Variants in KIT observed in about 807,000 individuals in gnomAD.
KIT encodes mast/stem cell growth factor receptor Kit.
Under a neutral mutation model 105.7 loss-of-function variants are expected in KIT, and 16 were observed. The observed-to-expected ratio is 0.15, with a 90% CI of 0.10 to 0.23. KIT has a LOEUF of 0.23. Among genes scored for constraint, KIT ranks in the 10% least tolerant of loss-of-function variants. KIT has a pLI of 1.00. For synonymous variants in KIT, 438 were observed against 441.1 expected (o/e 0.99, Z 0.09); for missense variants, 858 against 1,213.8 (o/e 0.71, Z 4.36).
intron 17 of KIT, 62 bp downstream of exon 17, chr4:54,733,254 A>C (rs1472941034): frequency 1.3e-6 from 2 of 1,570,646 alleles, no homozygotes; most frequent in East Asian, 4.5e-5. Context: ...CTTTCGATAA[A>C]AATTGTTTCC....
intron 5 of KIT, among the ~76,000 whole-genome samples, chr4:54,704,943 A>G (rs1280641349): frequency 6.6e-6 from 1 of 152,176 alleles, no homozygotes; most frequent in Non-Finnish European, 1.5e-5. Context: ...TGCCCATGTT[A>G]TAATGGAAAG....
In KIT at chr4:54,707,322, T is replaced by C. The variant is rs551915482; in HGVS notation, c.1115+35T>C. On this transcript the variant is annotated intron_variant, in intron 6 of 20. Coordinates refer to ENST00000288135, the MANE Select transcript of KIT (RefSeq NM_000222.3). ...GGACCTTGCCCTGGGGGATTACACA[T>C]TACCCCCTTTTCCAGTGGGCTTATC... 3.6e-6 allele frequency: 5 copies of C among 1,387,248 alleles called. No individual in the cohort carries two copies. The South Asian group carries it at 4.6e-5, about 13-fold the overall frequency. The allele number at this position is 1,387,248 out of a possible 1,614,324, so 85.9% of individuals were successfully genotyped here. A position where few individuals can be genotyped will look rare whatever the true frequency, so the allele number is the denominator to read the frequency against.
chr4:54,709,725 T>A, intron 7 of KIT, 186 bp downstream of exon 7: 1 of 666,848 alleles, frequency 1.5e-6, no homozygotes, highest in Non-Finnish European at 2.7e-6. Flanking sequence ...TGTCCTACAT[T>A]TCACTGATCA....
chr4:54,709,376 C>G, intron 6 of KIT, 48 bp from the exon 7 acceptor site: 2 of 1,174,946 alleles, frequency 1.7e-6, no homozygotes, highest in Non-Finnish European at 1.3e-6. Context: ...ACATGCCTTC[C>G]AAGGCATGCT....
At chr4:54,682,021 AAG>A (rs1442339086) in intron 1 of KIT, among the ~76,000 whole-genome samples, 4 of 152,122 alleles carry the variant, frequency 2.6e-5, no homozygotes, top group Admixed American at 1.3e-4. Context: ...TTTATATTAT[AAG>A]AGAATCACTG....
rs760112920 is a variant in KIT, at chr4:54,731,930, G to T, written c.2293G>T (p.Asp765Tyr). Residue 765 changes from aspartate (D) to tyrosine (Y), a missense_variant, in exon 16 of 21, where the codon GAC becomes TAC. By Grantham distance (160) the Asp-to-Tyr change is radical. Coordinates refer to ENST00000288135, the MANE Select transcript of KIT (RefSeq NM_000222.3). Reference protein sequence around the residue: ...AIMEDDELALDLEDLLSFSYQ... With the variant: ...AIMEDDELALYLEDLLSFSYQ... ...CATGGAGGATGACGAGTTGGCCCTA[G>T]ACTTAGAAGACTTGCTGAGCTTTTC... The T allele has an allele frequency of 6.2e-6, 10 of 1,613,536 alleles. No individual in the cohort carries two copies. The Admixed American group carries it at 1.0e-4, about 16-fold the overall frequency.
intron 7 of KIT, among the ~76,000 whole-genome samples, chr4:54,721,640 C>T (rs570947129): frequency 2.0e-5 from 3 of 152,312 alleles, no homozygotes; most frequent in African/African-American, 7.2e-5. Flanking sequence ...ACTCTGATCT[C>T]CGCCAACTCC....
intron 1 of KIT, among the ~76,000 whole-genome samples, chr4:54,680,310 C>A (rs1175937364): frequency 6.0e-5 from 9 of 149,442 alleles, no homozygotes; most frequent in Non-Finnish European, 3.0e-5. Flanking sequence ...TGATATCATT[C>A]AAATTAGATG....
At position 54,695,715 on chromosome 4, in the gene KIT, A is replaced by G; in HGVS notation, c.271A>G (p.Asn91Asp). Residue 91 changes from asparagine to aspartate, a missense_variant, in exon 2 of 21, where the codon AAC becomes GAC. Transcript: ENST00000288135. ...GATCACGGAAAAGGCAGAAGCCACCAACACCGGCAAATACACGTGCACCAA... is the reference window on the plus strand; with the variant it reads ...GATCACGGAAAAGGCAGAAGCCACCGACACCGGCAAATACACGTGCACCAA... Reference protein sequence around the residue: ...EWITEKAEATNTGKYTCTNKH... With the variant: ...EWITEKAEATDTGKYTCTNKH... 1 of 1,614,254 alleles carries G rather than the reference A, an allele frequency of 6.2e-7. No individual in the cohort carries two copies. Among genetic ancestry groups the G allele is most frequent in the Non-Finnish European group, 8.5e-7 (1 of 1,180,048 alleles).
At chr4:54,679,087 C>T (rs575155983) in intron 1 of KIT, among the ~76,000 whole-genome samples, 12 of 152,272 alleles carry the variant, frequency 7.9e-5, no homozygotes, top group Non-Finnish European at 2.9e-5. Context: ...AGCTGAGGGC[C>T]CTGCTCCAAG....
At chr4:54,667,600 T>G (rs1488489244) in intron 1 of KIT, among the ~76,000 whole-genome samples, 1 of 152,162 alleles carries the variant, frequency 6.6e-6, no homozygotes, top group African/African-American at 2.4e-5. Flanking sequence ...AAAGCAAAGG[T>G]TAGAGTTAGC....
chr4:54,677,876 A>G (rs1454121083), intron 1 of KIT, among the ~76,000 whole-genome samples: 1 of 152,224 alleles, frequency 6.6e-6, no homozygotes, highest in Non-Finnish European at 1.5e-5. Flanking sequence ...ATTGAGAATG[A>G]GGGCTCATGT....
chr4:54,696,850 G>C (rs977723432), intron 2 of KIT, among the ~76,000 whole-genome samples: 3 of 152,262 alleles, frequency 2.0e-5, no homozygotes, highest in Non-Finnish European at 4.4e-5. Flanking sequence ...TCGCCTCAGG[G>C]CATGCTTCTG....
chr4:54,678,493 T>A (rs905750272), intron 1 of KIT, among the ~76,000 whole-genome samples: 2 of 152,012 alleles, frequency 1.3e-5, no homozygotes, highest in African/African-American at 4.8e-5. Context: ...CCATTTTATT[T>A]GAGTATAAAG....
At chr4:54,669,042 A>G (rs889317486) in intron 1 of KIT, among the ~76,000 whole-genome samples, 2 of 152,222 alleles carry the variant, frequency 1.3e-5, no homozygotes, top group African/African-American at 4.8e-5. Context: ...TCATTGTTAA[A>G]TCAAGCCAGG....
chr4:54,694,656 A>G (rs892317257), intron 1 of KIT, among the ~76,000 whole-genome samples: 1 of 152,206 alleles, frequency 6.6e-6, no homozygotes, highest in Non-Finnish European at 1.5e-5. Context: ...CTGGGATTAC[A>G]GGCGTGAGCC....
chr4:54,664,628 A>ATTT (rs1717549837), intron 1 of KIT, among the ~76,000 whole-genome samples: 1 of 143,288 alleles, frequency 7.0e-6, no homozygotes, highest in African/African-American at 2.6e-5. Context: ...TTTATTTATG[A>ATTT]GACAGGGTCT....
chr4:54,677,270 C>T (rs1718547701), intron 1 of KIT, among the ~76,000 whole-genome samples: 1 of 130,954 alleles, frequency 7.6e-6, no homozygotes. Context: ...CCACTCTCAT[C>T]CCCACCCTCG....
At chr4:54,731,203 A>G (rs1315986387) in intron 14 of KIT, 125 bp from the exon 15 acceptor site, 6 of 744,446 alleles carry the variant, frequency 8.1e-6, no homozygotes, top group Non-Finnish European at 1.2e-5. Flanking sequence ...CAAACTTTAC[A>G]TGACTTTCCT....
Sources: allele counts gnomAD v4.1 joint callset (sites outside exome capture counted in the v4.1 genomes callset), GRCh38; gene constraint gnomAD v4.1.1; transcripts MANE v1.5; gene names NCBI Gene and HGNC (gene_info 2026-07-23, HGNC 2026-07-21).